The following ZC3H11A variants were observed in gnomAD, a reference collection of about 807,000 sequenced individuals.
ZC3H11A encodes zinc finger CCCH domain-containing protein 11A.
Under a neutral mutation model 90.8 loss-of-function variants are expected in ZC3H11A, and 22 were observed. The observed-to-expected ratio is 0.24, with a 90% CI of 0.17 to 0.35. The LOEUF (loss-of-function observed/expected upper bound fraction) is 0.35, where lower values mean the gene tolerates loss of function less well. Ranked by LOEUF, ZC3H11A falls within the 10% of genes least tolerant of loss-of-function variation. The pLI, the probability that ZC3H11A is intolerant of heterozygous loss-of-function variation, is 1.00. For synonymous variants in ZC3H11A, 294 were observed against 339.8 expected (o/e 0.87, Z 1.48); for missense variants, 701 against 964.9 (o/e 0.73, Z 3.62).
rs978748891 is a variant in ZC3H11A at position 203,852,256 on chromosome 1, A to C, written c.2290A>C (p.Lys764Gln). The C allele has an allele frequency of 1.2e-6, 2 of 1,613,566 alleles. No individual in the cohort carries two copies. The highest frequency in any genetic ancestry group is 1.7e-5 in the Admixed American group (1 of 59,966). The change falls in exon 18 of 18, where the codon AAG (lysine) becomes CAG (glutamine). Residue 764 changes from lysine to glutamine, a missense_variant. By Grantham distance (53) the Lys-to-Gln change is moderately conservative (BLOSUM62 1). Transcript: ENST00000367210. Reference sequence around the variant, plus strand: ...CCGACTCAGCTCTGCCTCAACAGGAAAGCCCCCACTCTCTGTGGAGGATGA... The same window carrying C: ...CCGACTCAGCTCTGCCTCAACAGGACAGCCCCCACTCTCTGTGGAGGATGA... Reference protein sequence around the residue: ...TRRLSSASTGKPPLSVEDDFE... With the variant: ...TRRLSSASTGQPPLSVEDDFE...
At chr1:203,829,242 T>C (rs1025218740) in intron 5 of ZC3H11A, 3 of 591,874 alleles carry the variant, frequency 5.1e-6, no homozygotes, top group African/African-American at 3.7e-5. Context: ...GTGCCCACTT[T>C]GTGTTTATGT....
intron 11 of ZC3H11A, 46 bp downstream of exon 11, chr1:203,838,110 C>T: frequency 2.6e-6 from 4 of 1,552,026 alleles, no homozygotes; most frequent in Non-Finnish European, 3.5e-6. Flanking sequence ...AATTATGACA[C>T]TTGTGTCTTG....
chr1:203,842,712 T>C (rs1395177796), intron 12 of ZC3H11A, among the ~76,000 whole-genome samples: 2 of 151,362 alleles, frequency 1.3e-5, no homozygotes, highest in Non-Finnish European at 2.9e-5. Context: ...ATTCTAATTT[T>C]GTAAAGATAT....
intron 12 of ZC3H11A, among the ~76,000 whole-genome samples, 178 bp from the exon 13 acceptor site, chr1:203,847,004 TAA>T (rs201111472): frequency 6.9e-6 from 1 of 144,120 alleles, no homozygotes; most frequent in African/African-American, 2.5e-5. Context: ...GACTCTGTCT[TAA>T]AAAAAAAAAG....
At chr1:203,819,529 A>ATTTTTTTTTTTTTTTT (rs755259647) in intron 4 of ZC3H11A, among the ~76,000 whole-genome samples, 17 of 72,878 alleles carry the variant, frequency 2.3e-4, no homozygotes, top group African/African-American at 7.5e-4. Flanking sequence ...GCTGACTCCA[A>ATTTTTTTTTTTTTTTT]TTTTTTTTTT....
At chr1:203,816,830 A>C in intron 2 of ZC3H11A, 96 bp from the exon 3 acceptor site, 1 of 428,752 alleles carries the variant, frequency 2.3e-6, no homozygotes, top group South Asian at 5.1e-5. Context: ...CGTATTAATA[A>C]AATTTGACTC....
At chr1:203,823,454 G>T (rs12403365) in intron 4 of ZC3H11A, among the ~76,000 whole-genome samples, 19,129 of 152,176 alleles carry the variant, frequency 0.13, 1,578 homozygotes, top group East Asian at 0.29. Context: ...TACCAAACAT[G>T]TACCCAAATT....
rs542722690 is a variant in ZC3H11A, at chr1:203,851,815, T to G, written c.2175-326T>G. ...TTGTCTCTAATAAAAATCAAAGAAATAAAAAAAAAATCACATGGTGACACA... is the reference window on the plus strand; with the variant it reads ...TTGTCTCTAATAAAAATCAAAGAAAGAAAAAAAAAATCACATGGTGACACA... On this transcript the variant is annotated intron_variant, in intron 17 of 17. Transcript: ENST00000367210. Among the ~76,000 whole-genome samples, 9 of 147,220 alleles carry G rather than the reference T, an allele frequency of 6.1e-5. No homozygotes were observed. In the East Asian group the frequency reaches 1.6e-3, roughly 26 times the overall value.
intron 2 of ZC3H11A, among the ~76,000 whole-genome samples, chr1:203,815,212 T>TTTC (rs796719567): frequency 3.6e-4 from 17 of 46,754 alleles, no homozygotes; most frequent in East Asian, 3.0e-3. Context: ...CTTCCTTTTC[T>TTTC]TTTCTTTTTT....
At chr1:203,841,148 T>A (rs1686025252) in intron 12 of ZC3H11A, among the ~76,000 whole-genome samples, 1 of 135,692 alleles carries the variant, frequency 7.4e-6, no homozygotes, top group Non-Finnish European at 1.6e-5. Flanking sequence ...GAATCTTTTT[T>A]TTTTTTTTAT....
chr1:203,797,815 C>G (rs902032267), intron 1 of ZC3H11A: 1 of 1,535,950 alleles, frequency 6.5e-7, no homozygotes, highest in African/African-American at 1.4e-5. Flanking sequence ...GTTGCAGATG[C>G]CCCTGCTTTG....
intron 12 of ZC3H11A, among the ~76,000 whole-genome samples, chr1:203,842,418 G>A (rs982863462): frequency 3.3e-5 from 5 of 152,126 alleles, no homozygotes; most frequent in Admixed American, 6.5e-5. Context: ...CCAACACGGC[G>A]AAACCCCGTC....
In ZC3H11A at chr1:203,852,424, A is replaced by T. The variant is rs757429307; in HGVS notation, c.*25A>T. ...AAGGTGGTAGTGAGGACACTTTAAA[A>T]AAAAAATCGCCAAAAAACTGGACTT... On this transcript the variant is annotated 3_prime_UTR_variant, in exon 18 of 18. Transcript: ENST00000367210. 1.2e-6 allele frequency: 2 copies of T among 1,605,330 alleles called. No homozygotes were observed. The highest frequency in any genetic ancestry group is 2.2e-5 in the South Asian group (2 of 89,188).
At chr1:203,800,410 A>C in intron 1 of ZC3H11A, 1 of 1,260,034 alleles carries the variant, frequency 7.9e-7, no homozygotes, top group Non-Finnish European at 1.1e-6. Context: ...CTGAGCTGGG[A>C]TCCTGAGCAG....
chr1:203,831,853 C>A, intron 9 of ZC3H11A, 82 bp downstream of exon 9: 1 of 1,157,614 alleles, frequency 8.6e-7, no homozygotes, highest in Non-Finnish European at 1.2e-6. Flanking sequence ...TATCTTTTAC[C>A]TTTGATGAAT....
Position 203,829,664 on chromosome 1 carries a change from G to C in ZC3H11A, c.502+10G>C. 6.2e-7 allele frequency: 1 copy of C among 1,614,216 alleles called. No individual in the cohort carries two copies. The highest frequency in any genetic ancestry group is 8.5e-7 in the Non-Finnish European group (1 of 1,180,022). On this transcript the variant is annotated intron_variant, in intron 6 of 17. Coordinates refer to ENST00000367210, the MANE Select transcript of ZC3H11A (RefSeq NM_001376342.1). ...GATGAAGATGATGATGGTAAGTTCT[G>C]TCTGGCTCCTTCTTTAAGGCAAATA...
chr1:203,817,442 T>G (rs926727737), intron 3 of ZC3H11A, among the ~76,000 whole-genome samples: 1 of 149,908 alleles, frequency 6.7e-6, no homozygotes, highest in Non-Finnish European at 1.5e-5. Context: ...CTTACTAACT[T>G]TGATTTTATA....
At chr1:203,824,249 C>T (rs1013890471) in intron 4 of ZC3H11A, among the ~76,000 whole-genome samples, 1 of 136,542 alleles carries the variant, frequency 7.3e-6, no homozygotes, top group African/African-American at 2.7e-5. Flanking sequence ...GCCTGGGCTA[C>T]ACAGTAAGAC....
At position 203,844,084 on chromosome 1, in the gene ZC3H11A, C is replaced by T. The variant is rs549076718; in HGVS notation, c.1043-3100C>T. Among the ~76,000 whole-genome samples, 11 of 152,104 alleles carry T rather than the reference C, an allele frequency of 7.2e-5. 1 individual carries two copies. The South Asian group carries it at 1.9e-3, about 26-fold the overall frequency. On this transcript the variant is annotated intron_variant, in intron 12 of 17. Transcript: ENST00000367210. ...GTTGGTCAGGCTGGTCTCGAACTCC[C>T]GACCTCAGATGATCTGCCCACTTTG...
Sources: gnomAD v4.1 joint callset for allele counts (sites outside exome capture counted in the v4.1 genomes callset) on GRCh38, gnomAD v4.1.1 for gene constraint, MANE v1.5 for transcripts, NCBI Gene and HGNC (gene_info 2026-07-23, HGNC 2026-07-21) for gene names.